N4BP1: variants seen among roughly 807,000 people sequenced by gnomAD.
The protein encoded by N4BP1 is NEDD4-binding protein 1.
In N4BP1, 21 loss-of-function variants were observed where a neutral mutation model predicts 70.9. That is an observed-to-expected ratio of 0.30 (90% CI 0.21 to 0.43). The LOEUF is 0.43. Among genes scored for constraint, N4BP1 ranks in the 20% least tolerant of loss-of-function variants. The probability of loss-of-function intolerance (pLI) is 1.00; values close to 1 mark genes in which losing one functional copy is unlikely to be tolerated. For missense variants in N4BP1, 936 were observed against 1,069.4 expected, an observed-to-expected ratio of 0.88 and a Z score of 1.74; for synonymous variants, 387 against 394.6, an observed-to-expected ratio of 0.98 and a Z score of 0.23.
At chr16:48,605,054 C>G (rs1470684021) in intron 1 of N4BP1, among the ~76,000 whole-genome samples, 1 of 150,572 alleles carries the variant, frequency 6.6e-6, no homozygotes, top group Non-Finnish European at 1.5e-5. Context: ...TTTCTCAAGA[C>G]AGAGTTTTGC....
chr16:48,606,591 C>G (rs370824140), intron 1 of N4BP1, among the ~76,000 whole-genome samples: 5 of 152,204 alleles, frequency 3.3e-5, no homozygotes, highest in African/African-American at 1.2e-4. Context: ...TTCCCTTTAA[C>G]AAAAGTGGTC....
rs1366749057 is a variant in N4BP1 at position 48,609,876 on chromosome 16, C to A, written c.97G>T (p.Val33Leu). 6.7e-7 allele frequency: 1 copy of A among 1,482,974 alleles called. No individual in the cohort carries two copies. Among genetic ancestry groups the A allele is most frequent in the Admixed American group, 2.2e-5 (1 of 45,668 alleles). 91.9% of individuals were successfully genotyped at this position (1,482,974 alleles called of 1,614,324 possible). A position where few individuals can be genotyped will look rare whatever the true frequency, so the allele number is the denominator to read the frequency against. Residue 33 changes from valine (V) to leucine (L), a missense_variant, in exon 1 of 7, where the codon GTG becomes TTG. By Grantham distance (32) the Val-to-Leu change is conservative. Coordinates refer to ENST00000262384, the MANE Select transcript of N4BP1 (RefSeq NM_153029.4). ...SRGRIEGLFG[V>L]SLAVLGALGA... ...AGCGCGCCGAGCACGGCTAGGCTCA[C>A]GCCAAACAGGCCCTCGATACGGCCG...
chr16:48,541,018 T>TA lies in N4BP1; in HGVS notation c.*1885dup, dbSNP rs1384057223. On this transcript the variant is annotated 3_prime_UTR_variant, in exon 7 of 7. Coordinates refer to ENST00000262384, the MANE Select transcript of N4BP1 (RefSeq NM_153029.4). ...AGCAGTAAGTCAGAACACGAAGACT[T>TA]ACAGAACTCAAACATCAAAGGTCAA... 6.6e-6 allele frequency: 1 copy of TA among 152,152 alleles called. No individual in the cohort carries two copies. The highest frequency in any genetic ancestry group is 1.5e-5 in the Non-Finnish European group (1 of 68,058). The allele number at this position is 152,152 out of a possible 1,614,324, so 9.4% of individuals were successfully genotyped here.
chr16:48,564,300 T>A (rs953399168), intron 1 of N4BP1, among the ~76,000 whole-genome samples: 3 of 152,228 alleles, frequency 2.0e-5, no homozygotes, highest in Non-Finnish European at 4.4e-5. Flanking sequence ...TGTTATCGTC[T>A]AAGTTTTACA....
intron 1 of N4BP1, among the ~76,000 whole-genome samples, chr16:48,570,807 T>C (rs550544735): frequency 2.0e-5 from 3 of 152,192 alleles, no homozygotes; most frequent in Admixed American, 6.5e-5. Flanking sequence ...TAAATTGATA[T>C]AATATTCAGC....
intron 4 of N4BP1, among the ~76,000 whole-genome samples, chr16:48,550,053 A>C (rs1476790755): frequency 6.6e-6 from 1 of 152,220 alleles, no homozygotes; most frequent in Non-Finnish European, 1.5e-5. Context: ...CCATTGGTTA[A>C]GTTTAGAACC....
At chr16:48,552,147 A>C (rs1476392922) in intron 3 of N4BP1, among the ~76,000 whole-genome samples, 9 of 152,156 alleles carry the variant, frequency 5.9e-5, no homozygotes, top group Admixed American at 5.2e-4. Flanking sequence ...CTACCACAAG[A>C]AAGATCCCTA....
At chr16:48,547,691 G>A (rs926733462) in intron 5 of N4BP1, among the ~76,000 whole-genome samples, 3 of 152,156 alleles carry the variant, frequency 2.0e-5, no homozygotes, top group Non-Finnish European at 4.4e-5. Flanking sequence ...ATAGGAGGCC[G>A]TTTGTGCTCC....
intron 1 of N4BP1, among the ~76,000 whole-genome samples, chr16:48,570,984 G>A (rs138532888): frequency 3.9e-5 from 6 of 152,190 alleles, no homozygotes; most frequent in African/African-American, 7.2e-5. Context: ...TAGAGACAGC[G>A]TTTCACCATG....
chr16:48,547,426 A>T (rs1294272882), intron 5 of N4BP1, among the ~76,000 whole-genome samples: 1 of 152,246 alleles, frequency 6.6e-6, no homozygotes, highest in Non-Finnish European at 1.5e-5. Context: ...TACAAATGAA[A>T]AACAGCAGTG....
intron 1 of N4BP1, among the ~76,000 whole-genome samples, chr16:48,599,800 A>G (rs967247569): frequency 6.6e-6 from 1 of 152,220 alleles, no homozygotes; most frequent in Admixed American, 6.5e-5. Context: ...GGTTTTCTGG[A>G]AAACTGTTAC....
intron 1 of N4BP1, chr16:48,603,831 G>A (rs952122987): frequency 3.3e-5 from 5 of 152,298 alleles, no homozygotes; most frequent in African/African-American, 1.2e-4. Context: ...CAAAGGTCTT[G>A]TCCCTCCCTT....
At chr16:48,574,611 A>AT (rs1467007277) in intron 1 of N4BP1, among the ~76,000 whole-genome samples, 1 of 152,170 alleles carries the variant, frequency 6.6e-6, no homozygotes, top group African/African-American at 2.4e-5. Context: ...ATTTTTTGTC[A>AT]TTTTTTAAAT....
intron 1 of N4BP1, among the ~76,000 whole-genome samples, chr16:48,575,092 A>G (rs1288574645): frequency 6.6e-6 from 1 of 152,228 alleles, no homozygotes; most frequent in Non-Finnish European, 1.5e-5. Flanking sequence ...TTATCCCCTA[A>G]GATTCAGATT....
chr16:48,594,023 A>C (rs966806530), intron 1 of N4BP1, among the ~76,000 whole-genome samples: 1 of 151,538 alleles, frequency 6.6e-6, no homozygotes, highest in Non-Finnish European at 1.5e-5. Flanking sequence ...AAAAAACAAA[A>C]AAAAAACCAC....
At position 48,598,613 on chromosome 16, in the gene N4BP1, A is replaced by G. The variant is rs554151095; in HGVS notation, c.198+11162T>C. On this transcript the variant is annotated intron_variant, in intron 1 of 6. Transcript: ENST00000262384. ...TAAGGGATCCCCTCTTGGTCCCTCA[A>G]TTTGCCCCACATTGGAGAAATTTAA... is the stretch of plus-strand genomic sequence containing the variant. 1.8e-4 allele frequency among the ~76,000 whole-genome samples: 28 copies of G among 152,292 alleles called. No individual in the cohort carries two copies. The South Asian group carries it at 5.8e-3, about 32-fold the overall frequency.
At chr16:48,604,462 C>T (rs891927371) in intron 1 of N4BP1, among the ~76,000 whole-genome samples, 5 of 151,934 alleles carry the variant, frequency 3.3e-5, no homozygotes, top group African/African-American at 4.8e-5. Context: ...CCAAGAGGAT[C>T]GCTTGAGCCT....
chr16:48,590,633 C>A (rs539428760), intron 1 of N4BP1, among the ~76,000 whole-genome samples: 2 of 152,288 alleles, frequency 1.3e-5, no homozygotes, highest in South Asian at 4.1e-4. Context: ...CTGTCTCTAC[C>A]GACAGGGCAC....
At chr16:48,549,996 C>T (rs1045192567) in intron 4 of N4BP1, among the ~76,000 whole-genome samples, 1 of 152,190 alleles carries the variant, frequency 6.6e-6, no homozygotes, top group Non-Finnish European at 1.5e-5. Flanking sequence ...AGTAGACTTG[C>T]TACTAATTTC....
Sources: gnomAD v4.1 joint callset for allele counts (sites outside exome capture counted in the v4.1 genomes callset) on GRCh38, gnomAD v4.1.1 for gene constraint, MANE v1.5 for transcripts, NCBI Gene and HGNC (gene_info 2026-07-23, HGNC 2026-07-21) for gene names.